The following ACSS3 variants were observed in gnomAD, a reference collection of about 807,000 sequenced individuals.
The protein encoded by ACSS3 is acyl-CoA synthetase short chain family member 3.
Under a neutral mutation model 84.2 loss-of-function variants are expected in ACSS3, and 64 were observed. That is an observed-to-expected ratio of 0.76 (90% CI 0.62 to 0.94). The LOEUF is 0.94. Among genes scored for constraint, ACSS3 ranks in the 40% least tolerant of loss-of-function variants. The pLI is 0.00. For missense variants in ACSS3, 815 were observed against 867.6 expected, an observed-to-expected ratio of 0.94 and a Z score of 0.76; for synonymous variants, 317 against 310.1, an observed-to-expected ratio of 1.02 and a Z score of -0.23.
rs2034302301 is a variant in ACSS3 at position 81,256,470 on chromosome 12, T to C, written c.*1548T>C. The C allele has an allele frequency of 6.6e-6, 1 of 152,190 alleles. No individual in the cohort carries two copies. 9.4% of individuals were successfully genotyped at this position (152,190 alleles called of 1,614,324 possible). On this transcript the variant is annotated 3_prime_UTR_variant, in exon 16 of 16. Coordinates refer to ENST00000548058, the MANE Select transcript of ACSS3 (RefSeq NM_024560.4). ...AATATTTGATTTACTTAGGGATCTA[T>C]ATGACATCAGTTATCAAAGAATACA...
intron 2 of ACSS3, among the ~76,000 whole-genome samples, chr12:81,125,007 G>C (rs945197731): frequency 6.6e-6 from 1 of 152,200 alleles, no homozygotes; most frequent in African/African-American, 2.4e-5. Context: ...GAGGTCAGGA[G>C]ATCGAAACCA....
intron 3 of ACSS3, among the ~76,000 whole-genome samples, chr12:81,135,786 A>T (rs1227870379): frequency 6.6e-6 from 1 of 152,090 alleles, no homozygotes; most frequent in Non-Finnish European, 1.5e-5. Flanking sequence ...TAAATACATA[A>T]ATAAAATGTT....
At chr12:81,152,306 A>C (rs2135755776) in intron 7 of ACSS3, among the ~76,000 whole-genome samples, 1 of 150,722 alleles carries the variant, frequency 6.6e-6, no homozygotes, top group Non-Finnish European at 1.5e-5. Flanking sequence ...GTCAGAATTA[A>C]ATTCTGAAGA....
At chr12:81,224,241 CT>C (rs905835681) in intron 11 of ACSS3, among the ~76,000 whole-genome samples, 1 of 151,876 alleles carries the variant, frequency 6.6e-6, no homozygotes, top group African/African-American at 2.4e-5. Context: ...GCATCTTTCC[CT>C]TCCTTCTGCC....
chr12:81,179,141 AC>A (rs1364446583), intron 8 of ACSS3, among the ~76,000 whole-genome samples: 1 of 151,890 alleles, frequency 6.6e-6, no homozygotes, highest in Non-Finnish European at 1.5e-5. Context: ...ACAAAAATCA[AC>A]TCATCATGAA....
chr12:81,191,791 C>CT (rs939533500), intron 8 of ACSS3, among the ~76,000 whole-genome samples: 42 of 151,896 alleles, frequency 2.8e-4, no homozygotes, highest in African/African-American at 9.4e-4. Context: ...GATTTTTCTG[C>CT]TTTTTTTTCA....
intron 9 of ACSS3, among the ~76,000 whole-genome samples, chr12:81,215,753 C>A (rs1340054421): frequency 6.6e-6 from 1 of 152,084 alleles, no homozygotes; most frequent in Non-Finnish European, 1.5e-5. Context: ...ATTTTGTATT[C>A]AAAAGATTGT....
intron 11 of ACSS3, among the ~76,000 whole-genome samples, chr12:81,227,112 AC>A (rs1327524410): frequency 6.6e-6 from 1 of 151,882 alleles, no homozygotes; most frequent in East Asian, 1.9e-4. Flanking sequence ...CAGGCTGAAG[AC>A]CCAGGAAAAG....
chr12:81,132,974 T>C lies in ACSS3; in HGVS notation c.457-1842T>C, dbSNP rs927429386. On this transcript the variant is annotated intron_variant, in intron 2 of 15. Coordinates refer to ENST00000548058, the MANE Select transcript of ACSS3 (RefSeq NM_024560.4). ...CCAATTTTTGTCTTGTTTTTTTGAGTTCCATATATAATTCAAGTTCATGAT... is the reference window on the plus strand; with the variant it reads ...CCAATTTTTGTCTTGTTTTTTTGAGCTCCATATATAATTCAAGTTCATGAT... Among the ~76,000 whole-genome samples, 135 of 152,262 alleles carry C rather than the reference T, an allele frequency of 8.9e-4. 2 individuals carry two copies. Among genetic ancestry groups the C allele is most frequent in the Admixed American group, 8.6e-3 (131 of 15,272 alleles).
intron 13 of ACSS3, among the ~76,000 whole-genome samples, chr12:81,248,287 A>C (rs1251304892): frequency 6.6e-6 from 1 of 152,096 alleles, no homozygotes; most frequent in Non-Finnish European, 1.5e-5. Context: ...CAAGTAGCAA[A>C]GATATAGAAT....
At chr12:81,090,746 A>G (rs1012000496) in intron 1 of ACSS3, among the ~76,000 whole-genome samples, 2 of 152,004 alleles carry the variant, frequency 1.3e-5, no homozygotes, top group Admixed American at 1.3e-4. Flanking sequence ...GTAGTAGAGG[A>G]TATTTTATAA....
At chr12:81,080,449 G>A (rs11114752) in intron 1 of ACSS3, among the ~76,000 whole-genome samples, 51,676 of 151,622 alleles carry the variant, frequency 0.34, 9,152 homozygotes, top group East Asian at 0.48. Context: ...TGATAACACC[G>A]TATCTGAATT....
intron 8 of ACSS3, among the ~76,000 whole-genome samples, chr12:81,184,677 T>A (rs1196600941): frequency 6.6e-6 from 1 of 151,464 alleles, no homozygotes; most frequent in Non-Finnish European, 1.5e-5. Context: ...CTAGAGAAAA[T>A]GGATAAATTC....
intron 1 of ACSS3, among the ~76,000 whole-genome samples, chr12:81,092,442 A>G (rs1459600085): frequency 1.3e-5 from 2 of 152,138 alleles, no homozygotes; most frequent in Admixed American, 6.5e-5. Context: ...AACAAAATCC[A>G]TTTTATTCTA....
chr12:81,193,481 A>T (rs1048963727), intron 8 of ACSS3, among the ~76,000 whole-genome samples: 1 of 151,798 alleles, frequency 6.6e-6, no homozygotes, highest in African/African-American at 2.4e-5. Flanking sequence ...TTTCAGCTTC[A>T]TTTTAGTCTT....
intron 1 of ACSS3, among the ~76,000 whole-genome samples, chr12:81,091,796 T>G (rs992205615): frequency 2.0e-5 from 3 of 152,128 alleles, no homozygotes; most frequent in Non-Finnish European, 2.9e-5. Flanking sequence ...TATGTGTATG[T>G]TAAAATGTTA....
At chr12:81,102,094 T>C (rs1036750807) in intron 1 of ACSS3, among the ~76,000 whole-genome samples, 7 of 151,666 alleles carry the variant, frequency 4.6e-5, no homozygotes, top group African/African-American at 1.2e-4. Context: ...CATATATATA[T>C]ACACACACAC....
chr12:81,217,620 A>T (rs556198318), intron 10 of ACSS3, among the ~76,000 whole-genome samples: 5 of 152,288 alleles, frequency 3.3e-5, no homozygotes, highest in African/African-American at 7.2e-5. Flanking sequence ...AGGCAGACGG[A>T]TCACATGAGG....
intron 5 of ACSS3, among the ~76,000 whole-genome samples, chr12:81,146,439 C>T (rs994330587): frequency 6.6e-6 from 1 of 152,114 alleles, no homozygotes; most frequent in Non-Finnish European, 1.5e-5. Flanking sequence ...TTCCTCAATC[C>T]TTGATCTTCA....
Sources: allele counts gnomAD v4.1 joint callset (sites outside exome capture counted in the v4.1 genomes callset), GRCh38; gene constraint gnomAD v4.1.1; transcripts MANE v1.5; gene names NCBI Gene and HGNC (gene_info 2026-07-23, HGNC 2026-07-21).